Variants in HLCS observed in about 807,000 individuals in gnomAD.
HLCS encodes holocarboxylase synthetase.
HLCS carries 53 observed loss-of-function variants against 75.0 expected under a neutral mutation model. The observed-to-expected ratio is 0.71, with a 90% CI of 0.57 to 0.89. The LOEUF is 0.89. Ranked by LOEUF, HLCS falls within the 40% of genes least tolerant of loss-of-function variation. HLCS has a pLI of 0.00. For missense variants in HLCS, 966 were observed against 1,074.0 expected, an observed-to-expected ratio of 0.90 and a Z score of 1.41; for synonymous variants, 431 against 428.6, an observed-to-expected ratio of 1.01 and a Z score of -0.07.
chr21:36,947,430 C>T lies in HLCS; in HGVS notation c.331-8436G>A, dbSNP rs1000804765. ...GGGTGCTCCGATCAAAGCAGAACCG[C>T]GCTGTCACTGATACGTCGTCCAGGG... On this transcript the variant is annotated intron_variant, in intron 2 of 10. Transcript: ENST00000674895. The T allele has an allele frequency of 7.1e-6, 7 of 985,296 alleles. No individual in the cohort carries two copies. In the African/African-American group the frequency reaches 1.0e-4, roughly 15 times the overall value. The allele number at this position is 985,296 out of a possible 1,614,324, so 61.0% of individuals were successfully genotyped here.
At chr21:36,984,133 C>T (rs192513765) in intron 1 of HLCS, among the ~76,000 whole-genome samples, 1 of 152,080 alleles carries the variant, frequency 6.6e-6, no homozygotes, top group Non-Finnish European at 1.5e-5. Context: ...GCCACCACAC[C>T]TGGCCAAGAA....
chr21:36,907,274 G>A (rs1053000710), intron 5 of HLCS, among the ~76,000 whole-genome samples: 4 of 151,996 alleles, frequency 2.6e-5, no homozygotes, highest in Non-Finnish European at 5.9e-5. Context: ...TTTTTCAGAT[G>A]GAACAAAATA....
intron 5 of HLCS, among the ~76,000 whole-genome samples, chr21:36,926,895 A>C (rs995013773): frequency 2.0e-5 from 3 of 152,064 alleles, no homozygotes; most frequent in Admixed American, 2.0e-4. Flanking sequence ...GGTATGCGCC[A>C]CCATGCCTGG....
chr21:36,819,928 T>C (rs1311348515), intron 6 of HLCS, among the ~76,000 whole-genome samples: 1 of 152,160 alleles, frequency 6.6e-6, no homozygotes, highest in Non-Finnish European at 1.5e-5. Context: ...TGTTAAATGA[T>C]AGGGTCAAGG....
intron 2 of HLCS, among the ~76,000 whole-genome samples, chr21:36,949,322 C>T (rs992235216): frequency 2.6e-5 from 4 of 152,238 alleles, no homozygotes; most frequent in African/African-American, 9.7e-5. Flanking sequence ...TTCAAGATGC[C>T]TCTGTCACTG....
At chr21:36,756,793 G>GA (rs1237256697) in intron 9 of HLCS, 38 bp from the exon 10 acceptor site, 2 of 1,613,144 alleles carry the variant, frequency 1.2e-6, no homozygotes, top group Admixed American at 1.7e-5. Flanking sequence ...TCAGCCTGTT[G>GA]ATGGCATCAC....
intron 6 of HLCS, among the ~76,000 whole-genome samples, chr21:36,857,956 A>C (rs919743508): frequency 1.3e-5 from 2 of 151,710 alleles, no homozygotes; most frequent in Non-Finnish European, 2.9e-5. Flanking sequence ...CACCCGGCTA[A>C]TTTTTGTATT....
At chr21:36,945,386 A>G (rs958619086) in intron 2 of HLCS, among the ~76,000 whole-genome samples, 30 of 152,246 alleles carry the variant, frequency 2.0e-4, no homozygotes, top group African/African-American at 7.2e-4. Flanking sequence ...CACAATAGCC[A>G]AAAGGTAGAA....
At chr21:36,838,432 G>A (rs1160477303) in intron 6 of HLCS, among the ~76,000 whole-genome samples, 1 of 152,094 alleles carries the variant, frequency 6.6e-6, no homozygotes, top group Non-Finnish European at 1.5e-5. Context: ...TTAGCCAGGT[G>A]CAGTGGTTCA....
At chr21:36,924,421 A>C (rs1322438731) in intron 5 of HLCS, among the ~76,000 whole-genome samples, 3 of 152,124 alleles carry the variant, frequency 2.0e-5, no homozygotes, top group African/African-American at 7.2e-5. Flanking sequence ...TTAGCCAGGC[A>C]TGGTGATGGG....
intron 6 of HLCS, among the ~76,000 whole-genome samples, chr21:36,796,327 G>C (rs1414201193): frequency 6.6e-6 from 1 of 152,050 alleles, no homozygotes; most frequent in Non-Finnish European, 1.5e-5. Flanking sequence ...ATAACATATG[G>C]GTGGGCAAAA....
rs750036993 is a variant in HLCS at position 36,751,652 on chromosome 21, T to C, written c.*2594A>G. ...TTTTCCTTTGCACACAAATCCTTCC[T>C]ACTTCCACCACTCCCTAGCAGAGTT... On this transcript the variant is annotated 3_prime_UTR_variant, in exon 11 of 11. Transcript: ENST00000674895. 1.3e-5 allele frequency: 2 copies of C among 152,264 alleles called. No individual in the cohort carries two copies. Among genetic ancestry groups the C allele is most frequent in the Non-Finnish European group, 2.9e-5 (2 of 68,080 alleles). 9.4% of individuals were successfully genotyped at this position (152,264 alleles called of 1,614,324 possible).
chr21:36,954,136 C>G (rs1601862128), intron 2 of HLCS, among the ~76,000 whole-genome samples: 2 of 151,414 alleles, frequency 1.3e-5, no homozygotes, highest in Non-Finnish European at 2.9e-5. Flanking sequence ...TGAAACCCCG[C>G]CTCTACTAAA....
upstream of HLCS, among the ~76,000 whole-genome samples, chr21:36,970,323 C>T (rs1391660753): frequency 6.6e-6 from 1 of 152,124 alleles, no homozygotes; most frequent in Non-Finnish European, 1.5e-5. Flanking sequence ...GCCTCGACCT[C>T]GTGGGCTCAA....
intron 5 of HLCS, among the ~76,000 whole-genome samples, chr21:36,927,642 T>C (rs1355373391): frequency 1.3e-5 from 2 of 152,228 alleles, no homozygotes; most frequent in Non-Finnish European, 2.9e-5. Flanking sequence ...AACTGGGACA[T>C]TGAAATAATT....
chr21:36,905,873 G>A (rs2065427473), intron 5 of HLCS, among the ~76,000 whole-genome samples: 1 of 151,922 alleles, frequency 6.6e-6, no homozygotes, highest in Non-Finnish European at 1.5e-5. Flanking sequence ...CCAACATGGT[G>A]AAACCCCACT....
chr21:36,882,620 CTTTT>C (rs35012674), intron 6 of HLCS, among the ~76,000 whole-genome samples: 2 of 104,476 alleles, frequency 1.9e-5, no homozygotes, highest in African/African-American at 4.2e-5. Flanking sequence ...TTCTTTCTTT[CTTTT>C]TTTTTTTTTT....
chr21:36,758,994 A>G (rs1031965983), intron 9 of HLCS, among the ~76,000 whole-genome samples: 2 of 152,172 alleles, frequency 1.3e-5, no homozygotes, highest in African/African-American at 4.8e-5. Context: ...AAAAAAAAAA[A>G]AAGATAGGAA....
rs1271469616 is a variant in HLCS at position 36,938,922 on chromosome 21, C to T, written c.403G>A (p.Ala135Thr). The T allele has an allele frequency of 1.9e-6, 3 of 1,613,966 alleles. No individual in the cohort carries two copies. Among genetic ancestry groups the T allele is most frequent in the Non-Finnish European group, 2.5e-6 (3 of 1,180,020 alleles). The change falls in exon 3 of 11, where the codon GCA becomes ACA. Residue 135 changes from alanine to threonine, a missense_variant. Ala to Thr is a moderately conservative substitution (Grantham distance 58). Transcript: ENST00000674895. Reference sequence around the variant, plus strand: ...AGCTTGCTGAAGTTGTCCACACTTGCTTCAGCAATTAGCCGATAAGGATCC... The same window carrying T: ...AGCTTGCTGAAGTTGTCCACACTTGTTTCAGCAATTAGCCGATAAGGATCC... ...PGDPYRLIAE[A>T]SVDNFSKLGV...
Sources: gnomAD v4.1 joint callset for allele counts (sites outside exome capture counted in the v4.1 genomes callset) on GRCh38, gnomAD v4.1.1 for gene constraint, MANE v1.5 for transcripts, NCBI Gene and HGNC (gene_info 2026-07-23, HGNC 2026-07-21) for gene names.